The following FHIT variants were observed in gnomAD, a reference collection of about 807,000 sequenced individuals.
FHIT encodes fragile histidine triad diadenosine triphosphatase.
FHIT carries 19 observed loss-of-function variants against 17.9 expected under a neutral mutation model. The observed-to-expected ratio is 1.06, with a 90% CI of 0.74 to 1.56. FHIT has a LOEUF of 1.56. FHIT is among the 40% of genes most tolerant of loss of function. FHIT has a pLI of 0.00. For missense variants in FHIT, 248 were observed against 189.2 expected (o/e 1.31, Z -1.82); for synonymous variants, 81 against 69.7 (o/e 1.16, Z -0.81).
chr3:60,351,411 T>C (rs1002864708), intron 5 of FHIT, among the ~76,000 whole-genome samples: 1 of 152,216 alleles, frequency 6.6e-6, no homozygotes, highest in Non-Finnish European at 1.5e-5. Context: ...AGGTCTGGTG[T>C]AACTTTATAT....
intron 3 of FHIT, among the ~76,000 whole-genome samples, chr3:60,999,203 C>T (rs528007075): frequency 8.5e-5 from 13 of 152,164 alleles, no homozygotes; most frequent in African/African-American, 2.7e-4. Flanking sequence ...GGATACAATA[C>T]AATAGAATAC....
chr3:60,367,969 T>C (rs1225875756), intron 5 of FHIT, among the ~76,000 whole-genome samples: 1 of 152,166 alleles, frequency 6.6e-6, no homozygotes, highest in Non-Finnish European at 1.5e-5. Context: ...CTTACAGGTA[T>C]TAGAAATTTT....
At chr3:61,109,761 CT>C (rs1213659779) in intron 2 of FHIT, among the ~76,000 whole-genome samples, 1 of 152,204 alleles carries the variant, frequency 6.6e-6, no homozygotes, top group Non-Finnish European at 1.5e-5. Context: ...GTACCTTAGT[CT>C]TTCACACAAA....
At position 60,201,208 on chromosome 3, in the gene FHIT, A is replaced by G. The variant is rs540996914; in HGVS notation, c.104-187056T>C. 5.3e-4 allele frequency among the ~76,000 whole-genome samples: 80 copies of G among 152,254 alleles called. 4 individuals carry two copies. The South Asian group carries it at 0.016, about 31-fold the overall frequency. On this transcript the variant is annotated intron_variant, in intron 5 of 9. Transcript: ENST00000492590. The stretch of plus-strand genomic sequence containing the variant: ...CGTATGTTCCACTGCTGATTTTACC[A>G]ACAGAGGCCAGTCTCACGGTGGGAA...
At position 60,519,904 on chromosome 3, in the gene FHIT, AC is replaced by A. The variant is rs763840323; in HGVS notation, c.103+16955del. Among the ~76,000 whole-genome samples, 144 of 152,288 alleles carry A rather than the reference AC, an allele frequency of 9.5e-4. 1 individual carries two copies. The highest frequency in any genetic ancestry group is 1.0e-3 in the Non-Finnish European group (71 of 68,012). On this transcript the variant is annotated intron_variant, in intron 5 of 9. Coordinates refer to ENST00000492590, the MANE Select transcript of FHIT (RefSeq NM_002012.4). ...TACTGTGAAACAATTTACTGGAGTG[AC>A]CATCAGCTCAGAGATGATTAGTGTC... is the stretch of plus-strand genomic sequence containing the variant.
chr3:60,621,092 C>T (rs2039112261), intron 4 of FHIT, among the ~76,000 whole-genome samples: 1 of 151,560 alleles, frequency 6.6e-6, no homozygotes, highest in African/African-American at 2.4e-5. Flanking sequence ...CCTTTCATTC[C>T]TGGGGCAAAT....
chr3:60,554,681 A>G (rs2036683113), intron 4 of FHIT, among the ~76,000 whole-genome samples: 1 of 152,168 alleles, frequency 6.6e-6, no homozygotes, highest in Non-Finnish European at 1.5e-5. Context: ...TATTATTTTA[A>G]AAATAAATAC....
intron 4 of FHIT, among the ~76,000 whole-genome samples, chr3:60,775,579 C>A (rs9820935): frequency 0.1 from 15,590 of 152,150 alleles, 1,072 homozygotes; most frequent in African/African-American, 0.19. Context: ...GTGGGACGGA[C>A]AAGTACCCTG....
chr3:60,863,881 A>AT, intron 3 of FHIT, among the ~76,000 whole-genome samples: 1 of 152,314 alleles, frequency 6.6e-6, no homozygotes, highest in Non-Finnish European at 1.5e-5. Flanking sequence ...TACTTGTCTC[A>AT]TTTCCCTTCA....
intron 5 of FHIT, among the ~76,000 whole-genome samples, chr3:60,177,485 G>A (rs368705277): frequency 2.0e-5 from 3 of 152,158 alleles, no homozygotes; most frequent in South Asian, 2.1e-4. Context: ...GAGGTAAAAG[G>A]AATGATTCTA....
At chr3:60,818,714 T>C (rs188157256) in intron 4 of FHIT, among the ~76,000 whole-genome samples, 2 of 152,192 alleles carry the variant, frequency 1.3e-5, no homozygotes, top group Non-Finnish European at 2.9e-5. Context: ...TGGGTAGTGT[T>C]TATATACAGA....
chr3:60,994,621 G>T (rs922263651), intron 3 of FHIT, among the ~76,000 whole-genome samples: 3 of 152,138 alleles, frequency 2.0e-5, no homozygotes, highest in African/African-American at 7.2e-5. Flanking sequence ...AAGCAACATT[G>T]GGCACGGTTG....
At chr3:60,278,540 T>G (rs1707280059) in intron 5 of FHIT, among the ~76,000 whole-genome samples, 1 of 152,110 alleles carries the variant, frequency 6.6e-6, no homozygotes, top group Non-Finnish European at 1.5e-5. Context: ...GAAGAGGTCT[T>G]TGGTGATTAC....
chr3:60,703,253 GA>G (rs2041290109), intron 4 of FHIT, among the ~76,000 whole-genome samples: 2 of 152,288 alleles, frequency 1.3e-5, no homozygotes, highest in African/African-American at 4.8e-5. Flanking sequence ...AAAGGCAAGG[GA>G]GGGCCACCCC....
intron 2 of FHIT, among the ~76,000 whole-genome samples, chr3:61,139,832 C>T (rs1036297646): frequency 3.3e-5 from 5 of 151,970 alleles, no homozygotes; most frequent in Admixed American, 2.0e-4. Context: ...ATAGCAAGAG[C>T]GGTCTAAAAT....
At chr3:60,346,516 T>C (rs562963574) in intron 5 of FHIT, among the ~76,000 whole-genome samples, 35 of 152,328 alleles carry the variant, frequency 2.3e-4, no homozygotes, top group Admixed American at 9.8e-4. Flanking sequence ...TCAGCTCATC[T>C]GTGTGGCCTG....
intron 5 of FHIT, among the ~76,000 whole-genome samples, chr3:60,173,908 T>TATAC (rs1205581359): frequency 1.2e-5 from 1 of 81,176 alleles, no homozygotes; most frequent in Non-Finnish European, 2.3e-5. Context: ...TATATATATA[T>TATAC]ATATATATGT....
In FHIT at chr3:60,122,657, G is replaced by A. The variant is rs550237944; in HGVS notation, c.104-108505C>T. ...GACACTCAGAGCCTCAGAGAAAAAA[G>A]TATCTGGTGAAATCTCTTCTAGAAA... On this transcript the variant is annotated intron_variant, in intron 5 of 9. Coordinates refer to ENST00000492590, the MANE Select transcript of FHIT (RefSeq NM_002012.4). Among the ~76,000 whole-genome samples the A allele has an allele frequency of 7.2e-5, 11 of 152,254 alleles. No individual in the cohort carries two copies. The East Asian group carries it at 9.7e-4, about 13-fold the overall frequency.
Position 60,317,049 on chromosome 3 carries a change from C to T in FHIT, c.103+219811G>A, listed in dbSNP as rs147439437. The stretch of plus-strand genomic sequence containing the variant: ...GTGTTAACCATAGCTATACAGTAAT[C>T]TAATAAAAAGAAACTTTACAGGAAA... On this transcript the variant is annotated intron_variant, in intron 5 of 9. Coordinates refer to ENST00000492590, the MANE Select transcript of FHIT (RefSeq NM_002012.4). Among the ~76,000 whole-genome samples the T allele has an allele frequency of 2.6e-3, 391 of 152,170 alleles. 2 individuals carry two copies. The highest frequency in any genetic ancestry group is 6.9e-3 in the Admixed American group (105 of 15,276).
Sources: gnomAD v4.1 joint callset for allele counts (sites outside exome capture counted in the v4.1 genomes callset) on GRCh38, gnomAD v4.1.1 for gene constraint, MANE v1.5 for transcripts, NCBI Gene and HGNC (gene_info 2026-07-23, HGNC 2026-07-21) for gene names.